Variants in COL25A1 observed in about 807,000 individuals in gnomAD.
COL25A1 encodes collagen type XXV alpha 1 chain, also known as collagen alpha-1(XXV) chain.
Under a neutral mutation model 128.4 loss-of-function variants are expected in COL25A1, and 103 were observed. The observed-to-expected ratio is 0.80, with a 90% CI of 0.68 to 0.94. The LOEUF (loss-of-function observed/expected upper bound fraction) is 0.94, where lower values mean the gene tolerates loss of function less well. Ranked by LOEUF, COL25A1 falls within the 40% of genes least tolerant of loss-of-function variation. The pLI, the probability that COL25A1 is intolerant of heterozygous loss-of-function variation, is 0.00. For synonymous variants in COL25A1, 279 were observed against 277.2 expected (o/e 1.01, Z -0.06); for missense variants, 745 against 840.0 (o/e 0.89, Z 1.40).
intron 3 of COL25A1, among the ~76,000 whole-genome samples, chr4:109,142,816 T>A (rs1770548111): frequency 6.6e-6 from 1 of 152,142 alleles, no homozygotes; most frequent in African/African-American, 2.4e-5. Flanking sequence ...GCAAATGAGA[T>A]GGGTCTCCTG....
At chr4:108,887,287 G>A (rs957015538) in intron 18 of COL25A1, among the ~76,000 whole-genome samples, 1 of 152,140 alleles carries the variant, frequency 6.6e-6, no homozygotes, top group African/African-American at 2.4e-5. Flanking sequence ...GAGCCTAAGC[G>A]CCAATGAACC....
At chr4:109,280,744 C>G (rs2126274576) in intron 3 of COL25A1, among the ~76,000 whole-genome samples, 1 of 152,076 alleles carries the variant, frequency 6.6e-6, no homozygotes, top group South Asian at 2.1e-4. Flanking sequence ...CCTCAGTCTC[C>G]TGAGTTCAAG....
chr4:109,295,592 G>C (rs541421204), intron 3 of COL25A1, among the ~76,000 whole-genome samples: 1 of 152,072 alleles, frequency 6.6e-6, no homozygotes, highest in South Asian at 2.1e-4. Context: ...AAAACATATA[G>C]CATAAGTGAA....
At chr4:108,868,739 G>A (rs923565807) in intron 20 of COL25A1, among the ~76,000 whole-genome samples, 5 of 138,344 alleles carry the variant, frequency 3.6e-5, no homozygotes, top group African/African-American at 1.4e-4. Context: ...AAGGGAGGAA[G>A]GAAGGAAGGA....
At chr4:108,814,587 T>C (rs1305868265) in intron 37 of COL25A1, among the ~76,000 whole-genome samples, 1 of 152,136 alleles carries the variant, frequency 6.6e-6, no homozygotes, top group Non-Finnish European at 1.5e-5. Flanking sequence ...CTTTCTCATC[T>C]CTCTCTCATA....
At chr4:109,008,593 T>A (rs1756266418) in intron 6 of COL25A1, among the ~76,000 whole-genome samples, 1 of 152,134 alleles carries the variant, frequency 6.6e-6, no homozygotes, top group Middle Eastern at 3.2e-3. Flanking sequence ...CTCATCAACT[T>A]CTTTTATCAT....
chr4:109,040,666 C>A (rs1454364548), intron 5 of COL25A1, among the ~76,000 whole-genome samples: 1 of 152,118 alleles, frequency 6.6e-6, no homozygotes, highest in Non-Finnish European at 1.5e-5. Context: ...AGCAACATGA[C>A]TAAATATTTG....
chr4:108,990,799 A>G (rs1340135360), intron 6 of COL25A1, among the ~76,000 whole-genome samples: 1 of 152,122 alleles, frequency 6.6e-6, no homozygotes, highest in Non-Finnish European at 1.5e-5. Context: ...TAAACCAGCT[A>G]TTTTCATTTT....
intron 3 of COL25A1, among the ~76,000 whole-genome samples, chr4:109,233,074 C>A (rs1405316440): frequency 6.6e-6 from 1 of 152,142 alleles, no homozygotes; most frequent in East Asian, 1.9e-4. Context: ...CTTCTTTCTT[C>A]TTTCCTTCCT....
intron 13 of COL25A1, among the ~76,000 whole-genome samples, chr4:108,912,861 T>C (rs1526133): frequency 0.71 from 107,437 of 152,046 alleles, 39,400 homozygotes; most frequent in East Asian, 1. Context: ...AACTGTGTTA[T>C]CCATGTATAA....
At chr4:109,119,114 G>T (rs1767881272) in intron 3 of COL25A1, among the ~76,000 whole-genome samples, 2 of 151,718 alleles carry the variant, frequency 1.3e-5, no homozygotes, top group African/African-American at 4.8e-5. Context: ...ATAACACATA[G>T]GTCAAAGAAG....
In COL25A1 at chr4:108,893,614, C is replaced by T. The variant is rs892978153; in HGVS notation, c.906+3053G>A. The stretch of plus-strand genomic sequence containing the variant: ...TTTAGATTACTTTACCATCCAAAGG[C>T]GCTGAGTTGAATCAAAAGGAAAAAA... On this transcript the variant is annotated intron_variant, in intron 16 of 37. Transcript: ENST00000399132. Among the ~76,000 whole-genome samples, 3 of 151,980 alleles carry T rather than the reference C, an allele frequency of 2.0e-5. No homozygotes were observed. In the South Asian group the frequency reaches 6.3e-4, roughly 32 times the overall value.
At chr4:109,152,170 G>A (rs1160404472) in intron 3 of COL25A1, among the ~76,000 whole-genome samples, 2 of 150,956 alleles carry the variant, frequency 1.3e-5, no homozygotes, top group African/African-American at 4.9e-5. Context: ...TATGTATTAT[G>A]GAAAAAACAA....
intron 3 of COL25A1, among the ~76,000 whole-genome samples, chr4:109,238,868 A>G (rs2126228537): frequency 6.6e-6 from 1 of 152,184 alleles, no homozygotes; most frequent in Non-Finnish European, 1.5e-5. Context: ...TCTCTGGTAC[A>G]GAGCAGGCAG....
chr4:109,065,995 G>A (rs750870471), intron 3 of COL25A1, among the ~76,000 whole-genome samples: 18 of 152,136 alleles, frequency 1.2e-4, no homozygotes, highest in South Asian at 2.1e-4. Flanking sequence ...GCTGAGCAGA[G>A]CCCCATCAAA....
At chr4:109,276,795 G>GA (rs1360630870) in intron 3 of COL25A1, among the ~76,000 whole-genome samples, 2 of 152,046 alleles carry the variant, frequency 1.3e-5, no homozygotes, top group Non-Finnish European at 2.9e-5. Context: ...TGTTAGATGG[G>GA]AAAAAATTCT....
At chr4:109,122,712 T>A (rs960135974) in intron 3 of COL25A1, among the ~76,000 whole-genome samples, 5 of 152,092 alleles carry the variant, frequency 3.3e-5, no homozygotes, top group African/African-American at 1.2e-4. Context: ...TTTGGAGCTG[T>A]GAATGTTATC....
At chr4:108,969,699 C>T (rs1751710027) in intron 8 of COL25A1, among the ~76,000 whole-genome samples, 1 of 152,126 alleles carries the variant, frequency 6.6e-6, no homozygotes, top group Non-Finnish European at 1.5e-5. Flanking sequence ...GTGTCCTTGC[C>T]TCCAATGATA....
At chr4:109,055,564 G>A (rs1159631215) in intron 3 of COL25A1, among the ~76,000 whole-genome samples, 1 of 152,122 alleles carries the variant, frequency 6.6e-6, no homozygotes, top group Non-Finnish European at 1.5e-5. Context: ...GCCACAACCA[G>A]TGCGAACTTT....
Sources: allele counts gnomAD v4.1 joint callset (sites outside exome capture counted in the v4.1 genomes callset), GRCh38; gene constraint gnomAD v4.1.1; transcripts MANE v1.5; gene names NCBI Gene and HGNC (gene_info 2026-07-23, HGNC 2026-07-21).